The following EPN2 variants were observed in gnomAD, a reference collection of about 807,000 sequenced individuals.
The protein encoded by EPN2 is epsin-2.
EPN2 carries 34 observed loss-of-function variants against 61.7 expected under a neutral mutation model. The observed-to-expected ratio is 0.55, with a 90% CI of 0.42 to 0.73. The LOEUF (loss-of-function observed/expected upper bound fraction) is 0.73, where lower values mean the gene tolerates loss of function less well. Ranked by LOEUF, EPN2 falls within the 30% of genes least tolerant of loss-of-function variation. EPN2 has a pLI of 0.00. For missense variants in EPN2, 714 were observed against 839.2 expected, an observed-to-expected ratio of 0.85 and a Z score of 1.84; for synonymous variants, 349 against 353.6, an observed-to-expected ratio of 0.99 and a Z score of 0.15.
At chr17:19,333,885 G>A (rs1907275864) in intron 10 of EPN2, 71 bp from the exon 11 acceptor site, 1 of 1,368,942 alleles carries the variant, frequency 7.3e-7, no homozygotes, top group East Asian at 2.4e-5. Context: ...CCCGCATGCA[G>A]TCCCTGACCT....
At position 19,328,844 on chromosome 17, in the gene EPN2, C is replaced by T. The variant is rs568457781; in HGVS notation, c.1281C>T (p.Asp427=). The change falls in exon 8 of 11, where the codon GAC becomes GAT. Residue 427 remains aspartate (D), a synonymous_variant. Coordinates refer to ENST00000314728, the MANE Select transcript of EPN2 (RefSeq NM_014964.5). ...CCAGTGCTGGGAAAAGAGCTTCTGACGCGTGGGGCGCAGTCTCCACCACCA... is the reference window on the plus strand; with the variant it reads ...CCAGTGCTGGGAAAAGAGCTTCTGATGCGTGGGGCGCAGTCTCCACCACCA... The part of the protein sequence containing the change: ...PASSAGKRAS[D]AWGAVSTTKP... 1.5e-5 allele frequency: 25 copies of T among 1,613,198 alleles called. No homozygotes were observed. The highest frequency in any genetic ancestry group is 3.3e-5 in the Admixed American group (2 of 59,926).
intron 1 of EPN2, among the ~76,000 whole-genome samples, chr17:19,280,840 A>C (rs1305856284): frequency 6.6e-6 from 1 of 152,178 alleles, no homozygotes; most frequent in Non-Finnish European, 1.5e-5. Context: ...TCAGTCCCAC[A>C]AGAACACTCC....
chr17:19,252,247 C>G (rs1941109478), intron 1 of EPN2, among the ~76,000 whole-genome samples: 1 of 152,064 alleles, frequency 6.6e-6, no homozygotes, highest in South Asian at 2.1e-4. Context: ...TGTGAAGGGG[C>G]CTGCATTGAG....
chr17:19,248,307 G>C (rs534532974), intron 1 of EPN2: 23 of 152,296 alleles, frequency 1.5e-4, no homozygotes, highest in African/African-American at 5.5e-4. Flanking sequence ...TTAAACAAGG[G>C]ATGGGCAGAA....
At chr17:19,281,713 C>T (rs978697274) in intron 1 of EPN2, among the ~76,000 whole-genome samples, 6 of 152,108 alleles carry the variant, frequency 3.9e-5, no homozygotes, top group South Asian at 2.1e-4. Flanking sequence ...AAAAATAATC[C>T]TTCCTCTGAG....
chr17:19,247,219 A>G (rs2044963028), intron 1 of EPN2, among the ~76,000 whole-genome samples: 1 of 152,234 alleles, frequency 6.6e-6, no homozygotes, highest in African/African-American at 2.4e-5. Context: ...GGGCATTTCA[A>G]GGACAGTTTC....
intron 1 of EPN2, among the ~76,000 whole-genome samples, chr17:19,262,467 T>G (rs2045152656): frequency 6.6e-6 from 1 of 152,130 alleles, no homozygotes; most frequent in Non-Finnish European, 1.5e-5. Flanking sequence ...AACAGGAGCG[T>G]TAAAACTCCA....
At chr17:19,290,700 CA>C (rs757256478) in intron 4 of EPN2, among the ~76,000 whole-genome samples, 7 of 41,006 alleles carry the variant, frequency 1.7e-4, no homozygotes, top group Admixed American at 2.3e-4. Flanking sequence ...TTCCCGTTCT[CA>C]AAAAAAAAAA....
At chr17:19,263,377 C>T (rs540688241) in intron 1 of EPN2, among the ~76,000 whole-genome samples, 4 of 152,112 alleles carry the variant, frequency 2.6e-5, no homozygotes, top group East Asian at 1.9e-4. Flanking sequence ...TTCCGGAAAG[C>T]GTTCACTAGT....
chr17:19,326,591 G>C (rs1343576622), intron 7 of EPN2, among the ~76,000 whole-genome samples: 2 of 146,308 alleles, frequency 1.4e-5, no homozygotes, highest in African/African-American at 2.5e-5. Context: ...GGAGGCTGAG[G>C]CAGGAGAATG....
intron 1 of EPN2, among the ~76,000 whole-genome samples, chr17:19,239,250 C>T (rs755740539): frequency 6.6e-4 from 101 of 152,282 alleles, no homozygotes; most frequent in Non-Finnish European, 1.2e-3. Flanking sequence ...TGGGTTCAAG[C>T]GATTCTCCTG....
chr17:19,304,644 G>C (rs1905732500), intron 4 of EPN2, among the ~76,000 whole-genome samples: 1 of 152,204 alleles, frequency 6.6e-6, no homozygotes. Flanking sequence ...CTGCATCCCA[G>C]CACTCCTGAC....
At chr17:19,310,593 T>TTTTTTA in intron 5 of EPN2, among the ~76,000 whole-genome samples, 1 of 141,024 alleles carries the variant, frequency 7.1e-6, no homozygotes, top group African/African-American at 2.7e-5. Flanking sequence ...TTTTTTTTTT[T>TTTTTTA]TTGAATCAGA....
intron 1 of EPN2, among the ~76,000 whole-genome samples, chr17:19,253,206 T>C (rs188191854): frequency 7.8e-4 from 119 of 152,320 alleles, no homozygotes; most frequent in Non-Finnish European, 1.5e-3. Context: ...ACATTTCATA[T>C]AAATGCAGTT....
intron 4 of EPN2, among the ~76,000 whole-genome samples, chr17:19,291,460 C>T (rs1455189275): frequency 4.0e-5 from 4 of 99,566 alleles, no homozygotes; most frequent in Non-Finnish European, 5.5e-5. Context: ...TTTTTTGAGA[C>T]GGAGTCTCGC....
chr17:19,247,649 T>C (rs966748595), intron 1 of EPN2, among the ~76,000 whole-genome samples: 2 of 152,220 alleles, frequency 1.3e-5, no homozygotes, highest in African/African-American at 4.8e-5. Flanking sequence ...GGTGGCCAGA[T>C]GGCCACTGGC....
chr17:19,305,826 G>C (rs979304006), intron 4 of EPN2: 1 of 152,124 alleles, frequency 6.6e-6, no homozygotes, highest in Non-Finnish European at 1.5e-5. Context: ...CTTCTTTTTA[G>C]ATTGTATTTT....
chr17:19,312,847 C>A, intron 6 of EPN2: 2 of 445,054 alleles, frequency 4.5e-6, no homozygotes, highest in South Asian at 5.8e-5. Flanking sequence ...CAGTGTTAGC[C>A]TGGAAAAGTC....
intron 1 of EPN2, among the ~76,000 whole-genome samples, chr17:19,273,433 G>T (rs1214815827): frequency 1.3e-5 from 2 of 152,102 alleles, no homozygotes; most frequent in Non-Finnish European, 2.9e-5. Flanking sequence ...TAGAAGTCAA[G>T]TCTGAAATGT....
Sources: gnomAD v4.1 joint callset for allele counts (sites outside exome capture counted in the v4.1 genomes callset) on GRCh38, gnomAD v4.1.1 for gene constraint, MANE v1.5 for transcripts, NCBI Gene and HGNC (gene_info 2026-07-23, HGNC 2026-07-21) for gene names.